Variants in PCDHA6 observed in about 807,000 individuals in gnomAD.
PCDHA6 encodes the protein protocadherin alpha-6.
Under a neutral mutation model 60.3 loss-of-function variants are expected in PCDHA6, and 55 were observed. The ratio of observed to expected loss-of-function variants is 0.91; its 90% CI spans 0.73 to 1.14. The LOEUF is 1.14. Ranked by LOEUF, PCDHA6 falls within the 50% of genes most tolerant of loss-of-function variation. PCDHA6 has a pLI of 0.00. For synonymous variants in PCDHA6, 652 were observed against 557.9 expected (o/e 1.17, Z -2.38); for missense variants, 1,327 against 1,256.5 (o/e 1.06, Z -0.85).
intron 3 of PCDHA6, among the ~76,000 whole-genome samples, chr5:141,001,942 TAAG>T (rs140166770): frequency 0.017 from 2,515 of 151,936 alleles, 63 homozygotes; most frequent in African/African-American, 0.058. Context: ...TGAGCGGAAA[TAAG>T]GAGGAGGGAG....
intron 1 of PCDHA6, chr5:140,856,575 A>G (rs2150361259): frequency 6.3e-7 from 1 of 1,597,272 alleles, no homozygotes; most frequent in African/African-American, 1.3e-5. Flanking sequence ...CCAAATGAGT[A>G]TTTTGTTCTT....
chr5:140,828,276 G>T lies in PCDHA6; in HGVS notation c.185G>T (p.Arg62Leu), dbSNP rs2150153517. 9 of 1,613,972 alleles carry T rather than the reference G, an allele frequency of 5.6e-6. No individual in the cohort carries two copies. In the East Asian group the frequency reaches 6.7e-5, roughly 12 times the overall value. ...LGLELAELVP[R>L]LFRMASKDRE... ...CTGGAGCTGGCGGAGCTGGTGCCGCGCCTGTTCAGGATGGCCTCCAAAGAC... is the reference window on the plus strand; with the variant it reads ...CTGGAGCTGGCGGAGCTGGTGCCGCTCCTGTTCAGGATGGCCTCCAAAGAC... The change falls in exon 1 of 4, where the codon CGC becomes CTC. Residue 62 changes from arginine to leucine, a missense_variant. Arg to Leu is a moderately radical substitution (Grantham distance 102). Coordinates refer to ENST00000529310, the MANE Select transcript of PCDHA6 (RefSeq NM_018909.4).
chr5:140,881,959 C>G (rs1012115110), intron 1 of PCDHA6: 146 of 352,464 alleles, frequency 4.1e-4, no homozygotes, highest in Non-Finnish European at 1.3e-4. Context: ...AACATTTAAT[C>G]TTCAATTACA....
chr5:140,994,429 G>A (rs1474074265), intron 3 of PCDHA6, among the ~76,000 whole-genome samples: 1 of 152,110 alleles, frequency 6.6e-6, no homozygotes, highest in Non-Finnish European at 1.5e-5. Flanking sequence ...GAGGCCGGGC[G>A]CAGTGGCTCA....
chr5:140,957,746 AG>A (rs1173855054), intron 1 of PCDHA6, among the ~76,000 whole-genome samples: 1 of 152,136 alleles, frequency 6.6e-6, no homozygotes, highest in Non-Finnish European at 1.5e-5. Flanking sequence ...CTGACATGAA[AG>A]GATGTTCATT....
chr5:140,829,643 T>C lies in PCDHA6; in HGVS notation c.1552T>C (p.Tyr518His), dbSNP rs2150171954. 3 of 1,612,246 alleles carry C rather than the reference T, an allele frequency of 1.9e-6. No homozygotes were observed. Among genetic ancestry groups the C allele is most frequent in the South Asian group, 1.1e-5 (1 of 91,012 alleles). ...GGTGCACGCGGAGAGCGGCAAGGTGTACGCGCTGCAGCCGCTGGACCACGA... is the reference window on the plus strand; with the variant it reads ...GGTGCACGCGGAGAGCGGCAAGGTGCACGCGCTGCAGCCGCTGGACCACGA... ...ISVHAESGKV[Y>H]ALQPLDHEEL... Residue 518 changes from tyrosine (Y) to histidine (H), a missense_variant, in exon 1 of 4, where the codon TAC becomes CAC. Coordinates refer to ENST00000529310, the MANE Select transcript of PCDHA6 (RefSeq NM_018909.4).
chr5:140,992,116 T>A (rs1279382326), intron 3 of PCDHA6, among the ~76,000 whole-genome samples: 1 of 151,688 alleles, frequency 6.6e-6, no homozygotes, highest in Non-Finnish European at 1.5e-5. Context: ...AGATGTGTCA[T>A]GGAAGAACAG....
chr5:140,907,563 A>G (rs1554193054), intron 1 of PCDHA6, among the ~76,000 whole-genome samples: 1 of 152,160 alleles, frequency 6.6e-6, no homozygotes, highest in Admixed American at 6.5e-5. Context: ...AATATAATCA[A>G]CTTGCCACCA....
intron 1 of PCDHA6, among the ~76,000 whole-genome samples, chr5:140,937,181 G>A (rs573153234): frequency 5.3e-5 from 8 of 151,984 alleles, no homozygotes; most frequent in African/African-American, 1.9e-4. Context: ...GGGACTACAG[G>A]CGCCCGCCAC....
rs2150233452 is a variant in PCDHA6 at position 140,835,299 on chromosome 5, G to A, written c.2394+4814G>A. 44 of 1,612,788 alleles carry A rather than the reference G, an allele frequency of 2.7e-5. No homozygotes were observed. The East Asian group carries it at 6.0e-4, about 22-fold the overall frequency. On this transcript the variant is annotated intron_variant, in intron 1 of 3. Transcript: ENST00000529310. ...CTTAAGTGGGGCAATCACAGTGATA[G>A]GACATATGGATTTTGAAGAAAGTAG...
chr5:140,927,637 G>A lies in PCDHA6; in HGVS notation c.2395-51312G>A, dbSNP rs1554204838. Reference sequence around the variant, plus strand: ...CAAGGTTCCAGAGACTGCACCCAATGGGACTGTGTTATTCCGAGTTCAAGC... The same window carrying A: ...CAAGGTTCCAGAGACTGCACCCAATAGGACTGTGTTATTCCGAGTTCAAGC... On this transcript the variant is annotated intron_variant, in intron 1 of 3. Coordinates refer to ENST00000529310, the MANE Select transcript of PCDHA6 (RefSeq NM_018909.4). 3.7e-6 allele frequency: 6 copies of A among 1,614,176 alleles called. 1 individual carries two copies. In the Middle Eastern group the frequency reaches 9.9e-4, roughly 266 times the overall value.
At chr5:140,866,376 CA>C (rs2049320172) in intron 1 of PCDHA6, 1 of 152,074 alleles carries the variant, frequency 6.6e-6, no homozygotes, top group South Asian at 2.1e-4. Flanking sequence ...ACTTCAATAA[CA>C]ATTTTAAAGA....
intron 1 of PCDHA6, chr5:140,836,271 G>A: frequency 1.9e-6 from 3 of 1,613,806 alleles, no homozygotes; most frequent in Non-Finnish European, 2.5e-6. Context: ...GTACACTGGT[G>A]AGATCAGCAC....
At chr5:140,844,751 T>G (rs1554140718) in intron 1 of PCDHA6, among the ~76,000 whole-genome samples, 1 of 149,538 alleles carries the variant, frequency 6.7e-6, no homozygotes. Flanking sequence ...ATGGGATAAA[T>G]CTTTGAAAAA....
At chr5:140,843,503 A>C in intron 1 of PCDHA6, 1 of 1,595,796 alleles carries the variant, frequency 6.3e-7, no homozygotes. Flanking sequence ...AGCACTGCCC[A>C]CTGAGGGCGG....
chr5:140,978,898 G>A (rs2096827765), intron 1 of PCDHA6, 51 bp from the exon 2 acceptor site: 1 of 1,612,868 alleles, frequency 6.2e-7, no homozygotes. Flanking sequence ...GCATTCCTGG[G>A]AGAACATTGT....
chr5:140,945,533 A>G (rs1007849839), intron 1 of PCDHA6, among the ~76,000 whole-genome samples: 2 of 152,084 alleles, frequency 1.3e-5, no homozygotes, highest in African/African-American at 4.8e-5. Flanking sequence ...AAAACAAAAC[A>G]TACAAACAAA....
At chr5:140,843,107 G>A in intron 1 of PCDHA6, 2 of 1,595,816 alleles carry the variant, frequency 1.3e-6, no homozygotes, top group Non-Finnish European at 1.7e-6. Context: ...GAAGGTGCGC[G>A]CAGTGGACGC....
At chr5:140,915,716 C>T (rs2077274657) in intron 1 of PCDHA6, among the ~76,000 whole-genome samples, 1 of 152,024 alleles carries the variant, frequency 6.6e-6, no homozygotes, top group East Asian at 1.9e-4. Context: ...GTGGCCCCCA[C>T]TTTGGATTGT....
Sources: gnomAD v4.1 joint callset for allele counts (sites outside exome capture counted in the v4.1 genomes callset) on GRCh38, gnomAD v4.1.1 for gene constraint, MANE v1.5 for transcripts, NCBI Gene and HGNC (gene_info 2026-07-23, HGNC 2026-07-21) for gene names.